Variants in DSG4 observed in about 807,000 individuals in gnomAD.
The protein encoded by DSG4 is desmoglein 4.
In DSG4, 87 loss-of-function variants were observed where a neutral mutation model predicts 93.1. The observed-to-expected ratio is 0.93, with a 90% CI of 0.79 to 1.12. The LOEUF (loss-of-function observed/expected upper bound fraction) is 1.12. Among genes scored for constraint, DSG4 ranks in the 50% most tolerant of loss-of-function variants. The pLI is 0.00. For synonymous variants in DSG4, 432 were observed against 452.9 expected, an observed-to-expected ratio of 0.95 and a Z score of 0.59; for missense variants, 1,373 against 1,285.7, an observed-to-expected ratio of 1.07 and a Z score of -1.04.
chr18:31,387,515 A>G (rs990178739), intron 3 of DSG4, among the ~76,000 whole-genome samples: 8 of 152,260 alleles, frequency 5.3e-5, no homozygotes, highest in African/African-American at 1.9e-4. Flanking sequence ...TTCAAATTGG[A>G]GGGACGCTTT....
At chr18:31,410,943 G>A (rs1353127879) in intron 14 of DSG4, among the ~76,000 whole-genome samples, 1 of 152,298 alleles carries the variant, frequency 6.6e-6, no homozygotes, top group East Asian at 1.9e-4. Flanking sequence ...ACGGGCGCCT[G>A]CTTGTAGTTC....
At position 31,413,724 on chromosome 18, in the gene DSG4, AT is replaced by A; in HGVS notation, c.*131del. On this transcript the variant is annotated 3_prime_UTR_variant, in exon 16 of 16. Coordinates refer to ENST00000308128, the MANE Select transcript of DSG4 (RefSeq NM_177986.5). ...ACTCAGATATTCTAAGGTCAATGCC[AT>A]TATTTGATTATACCATTTTGAGGGT... The A allele has an allele frequency of 8.1e-7, 1 of 1,233,034 alleles. No individual in the cohort carries two copies. Among genetic ancestry groups the A allele is most frequent in the South Asian group, 1.3e-5 (1 of 74,886 alleles). The allele number at this position is 1,233,034 out of a possible 1,614,324, so 76.4% of individuals were successfully genotyped here. A position where few individuals can be genotyped will look rare whatever the true frequency, so the allele number is the denominator to read the frequency against.
At position 31,386,649 on chromosome 18, in the gene DSG4, T is replaced by C. The variant is rs773359718; in HGVS notation, c.85-39T>C. ...TAAATGTCCTTTCTAAGTAAAATTG[T>C]TCTCACACTGTAAGACACCTGAACC... On this transcript the variant is annotated intron_variant, in intron 2 of 15. Transcript: ENST00000308128. 18 of 1,611,390 alleles carry C rather than the reference T, an allele frequency of 1.1e-5. No individual in the cohort carries two copies. The Admixed American group carries it at 2.7e-4, about 24-fold the overall frequency.
At chr18:31,407,681 G>A (rs541599332) in intron 12 of DSG4, among the ~76,000 whole-genome samples, 163 of 152,282 alleles carry the variant, frequency 1.1e-3, no homozygotes, top group African/African-American at 3.9e-3. Context: ...CTTTTGGTGA[G>A]GATTTCTTTT....
At chr18:31,377,350 T>C in intron 1 of DSG4, among the ~76,000 whole-genome samples, 1 of 152,216 alleles carries the variant, frequency 6.6e-6, no homozygotes, top group East Asian at 1.9e-4. Context: ...CAAACCCATT[T>C]CTTTTCAATA....
Position 31,413,193 on chromosome 18 carries a change from G to C in DSG4, c.2721G>C (p.Val907=), listed in dbSNP as rs143087006. The part of the protein sequence containing the change: ...SEPVVHGDII[V]TETYGNADPC... ...CCGTGGTCCATGGGGATATTATTGT[G>C]ACTGAGACTTACGGTAATGCTGATC... The change falls in exon 16 of 16, where the codon GTG becomes GTC. Residue 907 remains valine (V), a synonymous_variant. Coordinates refer to ENST00000308128, the MANE Select transcript of DSG4 (RefSeq NM_177986.5). 6.2e-7 allele frequency: 1 copy of C among 1,613,966 alleles called. No individual in the cohort carries two copies. The highest frequency in any genetic ancestry group is 8.5e-7 in the Non-Finnish European group (1 of 1,180,034).
At chr18:31,386,120 G>A (rs2072184233) in intron 2 of DSG4, among the ~76,000 whole-genome samples, 1 of 151,942 alleles carries the variant, frequency 6.6e-6, no homozygotes, top group African/African-American at 2.4e-5. Flanking sequence ...GATTATTGGA[G>A]GAATCATCAA....
At position 31,411,332 on chromosome 18, in the gene DSG4, GCAGGGGCCGCAGGAGCCT is replaced by G. The variant is rs763064147; in HGVS notation, c.2251_2268del (p.Gly751_Ala756del). ...GGGGACAGCCGTTGGCCTCATGGCC[GCAGGGGCCGCAGGAGCCT>G]CAGGGGCCGCAAGGAAGAGGAGCTC... On this transcript the variant is annotated inframe_deletion, in exon 15 of 16. Transcript: ENST00000308128. 2.5e-6 allele frequency: 4 copies of G among 1,611,148 alleles called. No individual in the cohort carries two copies. Among genetic ancestry groups the G allele is most frequent in the Admixed American group, 1.7e-5 (1 of 59,834 alleles).
intron 12 of DSG4, 44 bp downstream of exon 12, chr18:31,406,417 T>G: frequency 6.2e-7 from 1 of 1,612,124 alleles, no homozygotes; most frequent in African/African-American, 1.3e-5. Context: ...TTCTTCAAAA[T>G]AGGGCTGTTA....
rs377017666 is a variant in DSG4, at chr18:31,406,283, C to T, written c.1843C>T (p.Pro615Ser). ...TEDITGDTYGPVTEDQAGVSN... is the reference protein window; with the variant it reads ...TEDITGDTYGSVTEDQAGVSN... ...GGACATAACTGGTGACACGTATGGG[C>T]CTGTCACTGAAGACCAAGCTGGAGT... Residue 615 changes from proline to serine, a missense_variant, in exon 12 of 16, where the codon CCT (proline) becomes TCT (serine). By Grantham distance (74) the Pro-to-Ser change is moderately conservative. Transcript: ENST00000308128. 31 of 1,614,104 alleles carry T rather than the reference C, an allele frequency of 1.9e-5. No individual in the cohort carries two copies. Among genetic ancestry groups the T allele is most frequent in the Middle Eastern group, 1.6e-4 (1 of 6,084 alleles).
chr18:31,383,248 A>G (rs1256911261), intron 1 of DSG4, among the ~76,000 whole-genome samples: 1 of 152,174 alleles, frequency 6.6e-6, no homozygotes. Flanking sequence ...AAGCCACACT[A>G]CTCAGTTCTT....
intron 1 of DSG4, among the ~76,000 whole-genome samples, chr18:31,377,993 G>A (rs758719495): frequency 2.0e-5 from 3 of 152,128 alleles, no homozygotes; most frequent in Non-Finnish European, 4.4e-5. Context: ...ATGGGAGCAC[G>A]TCATTGTCCA....
intron 1 of DSG4, among the ~76,000 whole-genome samples, chr18:31,383,599 T>G (rs1467107294): frequency 2.0e-5 from 3 of 152,082 alleles, no homozygotes; most frequent in African/African-American, 7.2e-5. Flanking sequence ...GTTTTAAAAC[T>G]AGAGTTTTAA....
intron 15 of DSG4, 118 bp downstream of exon 15, chr18:31,411,566 A>T: frequency 8.2e-7 from 1 of 1,224,622 alleles, no homozygotes; most frequent in Non-Finnish European, 1.2e-6. Flanking sequence ...ACCCTATCCC[A>T]AACCTGAATA....
intron 4 of DSG4, 37 bp from the exon 5 acceptor site, chr18:31,388,837 T>G: frequency 6.2e-7 from 1 of 1,613,198 alleles, no homozygotes; most frequent in Non-Finnish European, 8.5e-7. Context: ...AAAATTCCTT[T>G]GGTGGAAAAA....
chr18:31,413,673 AC>A lies in DSG4; in HGVS notation c.*80del. The A allele has an allele frequency of 6.6e-7, 1 of 1,516,530 alleles. No homozygotes were observed. Among genetic ancestry groups the A allele is most frequent in the Non-Finnish European group, 9.0e-7 (1 of 1,106,106 alleles). The allele number at this position is 1,516,530 out of a possible 1,614,324, so 93.9% of individuals were successfully genotyped here. A position where few individuals can be genotyped will look rare whatever the true frequency, so the allele number is the denominator to read the frequency against. ...TACATCCACCAAAAATATATAATGTACCATATATATTAATAGTCAACAAATA... is the reference window on the plus strand; with the variant it reads ...TACATCCACCAAAAATATATAATGTACATATATATTAATAGTCAACAAATA... On this transcript the variant is annotated 3_prime_UTR_variant, in exon 16 of 16. Transcript: ENST00000308128.
At chr18:31,392,893 A>C (rs2072264830) in intron 8 of DSG4, among the ~76,000 whole-genome samples, 1 of 152,216 alleles carries the variant, frequency 6.6e-6, no homozygotes, top group Non-Finnish European at 1.5e-5. Context: ...GTAGTGGGGC[A>C]TCAAGTAGGG....
At chr18:31,412,291 T>C (rs974260353) in intron 15 of DSG4, among the ~76,000 whole-genome samples, 4 of 152,192 alleles carry the variant, frequency 2.6e-5, no homozygotes, top group African/African-American at 9.7e-5. Flanking sequence ...TGACATGTTC[T>C]CACTCATCTG....
At chr18:31,394,483 A>G (rs1055380017) in intron 8 of DSG4, among the ~76,000 whole-genome samples, 3 of 152,174 alleles carry the variant, frequency 2.0e-5, no homozygotes, top group Non-Finnish European at 4.4e-5. Context: ...AGGCTGAGGC[A>G]GGAGAATCGC....
Sources: allele counts gnomAD v4.1 joint callset (sites outside exome capture counted in the v4.1 genomes callset), GRCh38; gene constraint gnomAD v4.1.1; transcripts MANE v1.5; gene names NCBI Gene and HGNC (gene_info 2026-07-23, HGNC 2026-07-21).